SNTB1: variants seen among roughly 807,000 people sequenced by gnomAD.
SNTB1 encodes syntrophin beta 1.
A neutral mutation model predicts 48.9 loss-of-function variants in SNTB1; 36 were observed. The observed-to-expected ratio is 0.74, with a 90% CI of 0.56 to 0.97. The LOEUF (loss-of-function observed/expected upper bound fraction) is 0.97, where lower values mean the gene tolerates loss of function less well. Among genes scored for constraint, SNTB1 ranks in the 50% least tolerant of loss-of-function variants. The pLI, the probability that SNTB1 is intolerant of heterozygous loss-of-function variation, is 0.00. For synonymous variants in SNTB1, 299 were observed against 294.6 expected (o/e 1.01, Z -0.15); for missense variants, 786 against 703.4 (o/e 1.12, Z -1.33).
chr8:120,677,150 T>C (rs1817851229), intron 2 of SNTB1, among the ~76,000 whole-genome samples: 1 of 152,130 alleles, frequency 6.6e-6, no homozygotes, highest in Non-Finnish European at 1.5e-5. Context: ...CAACAGAACC[T>C]TGGGATTGCT....
intron 1 of SNTB1, among the ~76,000 whole-genome samples, chr8:120,786,365 G>A (rs530012746): frequency 6.6e-6 from 1 of 152,302 alleles, no homozygotes; most frequent in African/African-American, 2.4e-5. Context: ...GTGCAGTGCT[G>A]GGTTCAGTGA....
chr8:120,579,548 C>A (rs1816010534), intron 3 of SNTB1, among the ~76,000 whole-genome samples: 1 of 152,140 alleles, frequency 6.6e-6, no homozygotes, highest in Non-Finnish European at 1.5e-5. Context: ...CATGGTGGTG[C>A]ATGCCCTGTA....
chr8:120,749,145 C>T (rs1819171659), intron 1 of SNTB1, among the ~76,000 whole-genome samples: 1 of 151,990 alleles, frequency 6.6e-6, no homozygotes, highest in African/African-American at 2.4e-5. Flanking sequence ...AAAGGAAAGC[C>T]TGGAAAAGAA....
intron 4 of SNTB1, among the ~76,000 whole-genome samples, chr8:120,552,673 C>G (rs989204140): frequency 2.6e-5 from 4 of 152,260 alleles, no homozygotes; most frequent in Non-Finnish European, 5.9e-5. Context: ...CAGTGCCAAT[C>G]TTTTTGGCAC....
intron 3 of SNTB1, among the ~76,000 whole-genome samples, chr8:120,592,251 G>A (rs1405769467): frequency 2.0e-5 from 3 of 151,936 alleles, no homozygotes; most frequent in Non-Finnish European, 4.4e-5. Context: ...TCGTGATCAC[G>A]GCATGCTGCA....
intron 1 of SNTB1, among the ~76,000 whole-genome samples, chr8:120,728,394 T>C (rs898260850): frequency 1.3e-5 from 2 of 152,212 alleles, no homozygotes; most frequent in African/African-American, 2.4e-5. Context: ...CCTGGGTATA[T>C]TGTGTGACGC....
intron 1 of SNTB1, among the ~76,000 whole-genome samples, chr8:120,733,144 G>A (rs893534506): frequency 6.6e-6 from 1 of 152,200 alleles, no homozygotes; most frequent in Admixed American, 6.5e-5. Context: ...TAGACAAATA[G>A]CCTTTCTAAC....
intron 3 of SNTB1, among the ~76,000 whole-genome samples, chr8:120,589,533 T>C (rs1816204635): frequency 6.6e-6 from 1 of 152,164 alleles, no homozygotes; most frequent in Non-Finnish European, 1.5e-5. Flanking sequence ...ATAGACTGAG[T>C]TGCTTAAACA....
At chr8:120,782,736 C>T (rs1373771849) in intron 1 of SNTB1, among the ~76,000 whole-genome samples, 1 of 152,064 alleles carries the variant, frequency 6.6e-6, no homozygotes, top group Non-Finnish European at 1.5e-5. Context: ...CAAGTGGATA[C>T]GTCACGTTTT....
Position 120,632,516 on chromosome 8 carries a change from G to T in SNTB1, c.924C>A (p.Val308=), listed in dbSNP as rs780706220. Residue 308 remains valine, a synonymous_variant, in exon 3 of 7, where the codon GTC becomes GTA. Coordinates refer to ENST00000517992, the MANE Select transcript of SNTB1 (RefSeq NM_021021.4). ...TGCCTGTTTTCCCCAGCTGCTCTCT[G>T]ACCTCAGCAATCACTCGGGTCAGCA... ...NDLLTRVIAE[V]REQLGKTGIA... 1 of 1,614,142 alleles carries T rather than the reference G, an allele frequency of 6.2e-7. No homozygotes were observed. Among genetic ancestry groups the T allele is most frequent in the Non-Finnish European group, 8.5e-7 (1 of 1,180,028 alleles).
At position 120,566,090 on chromosome 8, in the gene SNTB1, G is replaced by A. The variant is rs538633135; in HGVS notation, c.1136+8996C>T. ...GTCTGTGTTAAATACAAAATTAGCC[G>A]GTGTCTCTATTAAATACAGAATAGA... On this transcript the variant is annotated intron_variant, in intron 4 of 6. Coordinates refer to ENST00000517992, the MANE Select transcript of SNTB1 (RefSeq NM_021021.4). 1.4e-4 allele frequency among the ~76,000 whole-genome samples: 22 copies of A among 151,996 alleles called. No homozygotes were observed. The East Asian group carries it at 2.7e-3, about 19-fold the overall frequency.
At chr8:120,738,120 G>A (rs1039128586) in intron 1 of SNTB1, among the ~76,000 whole-genome samples, 3 of 152,246 alleles carry the variant, frequency 2.0e-5, no homozygotes, top group Middle Eastern at 3.4e-3. Flanking sequence ...AGAGGCCTGA[G>A]AGAGAGTGCT....
At chr8:120,769,888 C>T (rs1281858652) in intron 1 of SNTB1, among the ~76,000 whole-genome samples, 1 of 152,216 alleles carries the variant, frequency 6.6e-6, no homozygotes, top group African/African-American at 2.4e-5. Context: ...AGAATGCTCA[C>T]TGTATGCCCA....
intron 1 of SNTB1, among the ~76,000 whole-genome samples, chr8:120,755,433 C>A (rs1193202098): frequency 6.6e-6 from 1 of 151,848 alleles, no homozygotes; most frequent in Admixed American, 6.6e-5. Context: ...TCAGGGAGAG[C>A]CAAACTATAT....
At chr8:120,633,623 T>TA (rs1817020823) in intron 2 of SNTB1, among the ~76,000 whole-genome samples, 3 of 151,580 alleles carry the variant, frequency 2.0e-5, no homozygotes, top group Admixed American at 6.6e-5. Context: ...TAAAATAAAA[T>TA]AAATTAAAAT....
chr8:120,577,548 T>C (rs1307726471), intron 3 of SNTB1, among the ~76,000 whole-genome samples: 1 of 152,138 alleles, frequency 6.6e-6, no homozygotes, highest in Non-Finnish European at 1.5e-5. Flanking sequence ...TTAAATTTAG[T>C]AAATTACTTT....
At chr8:120,767,356 T>C (rs1819544015) in intron 1 of SNTB1, among the ~76,000 whole-genome samples, 1 of 152,218 alleles carries the variant, frequency 6.6e-6, no homozygotes, top group Non-Finnish European at 1.5e-5. Context: ...AATAAACTTC[T>C]AAACCCCCTC....
intron 1 of SNTB1, among the ~76,000 whole-genome samples, chr8:120,809,126 A>G (rs547362731): frequency 6.6e-6 from 1 of 152,246 alleles, no homozygotes; most frequent in Non-Finnish European, 1.5e-5. Context: ...AAGCTACAAA[A>G]GAGAGGATTG....
At chr8:120,785,920 C>T (rs1388941719) in intron 1 of SNTB1, among the ~76,000 whole-genome samples, 1 of 152,248 alleles carries the variant, frequency 6.6e-6, no homozygotes, top group Non-Finnish European at 1.5e-5. Context: ...ATTACGCTGG[C>T]TAACCAGGAG....
Sources: gnomAD v4.1 joint callset for allele counts (sites outside exome capture counted in the v4.1 genomes callset) on GRCh38, gnomAD v4.1.1 for gene constraint, MANE v1.5 for transcripts, NCBI Gene and HGNC (gene_info 2026-07-23, HGNC 2026-07-21) for gene names.